The following COL19A1 variants were observed in gnomAD, a reference collection of about 807,000 sequenced individuals.
COL19A1 encodes the protein collagen type XIX alpha 1 chain, also known as collagen alpha-1(XIX) chain.
COL19A1 carries 159 observed loss-of-function variants against 190.2 expected under a neutral mutation model. The observed-to-expected ratio is 0.84, with a 90% CI of 0.73 to 0.95. The LOEUF (loss-of-function observed/expected upper bound fraction) is 0.95, where lower values mean the gene tolerates loss of function less well. COL19A1 is among the 40% of genes least tolerant of loss of function. The pLI, the probability that COL19A1 is intolerant of heterozygous loss-of-function variation, is 0.00. For synonymous variants in COL19A1, 509 were observed against 458.9 expected (o/e 1.11, Z -1.39); for missense variants, 1,418 against 1,431.9 (o/e 0.99, Z 0.16).
chr6:69,945,837 C>A (rs1470622176), intron 9 of COL19A1, among the ~76,000 whole-genome samples: 3 of 151,874 alleles, frequency 2.0e-5, no homozygotes, highest in African/African-American at 7.3e-5. Flanking sequence ...TTAATTTCTA[C>A]CAAGTGTTAG....
At chr6:69,955,568 A>AGTGT (rs1582514913) in intron 9 of COL19A1, among the ~76,000 whole-genome samples, 13 of 120,562 alleles carry the variant, frequency 1.1e-4, no homozygotes, top group African/African-American at 4.4e-4. Context: ...TGTGTGTGTA[A>AGTGT]GAGAGAGAAA....
Position 69,977,616 on chromosome 6 carries a change from G to C in COL19A1, c.1026+14746G>C, listed in dbSNP as rs1225076472. ...AAAAGAAAGGTTCAGGCTGGCTTAG[G>C]TAACAATTTAATTAAACTTTTTGCT... On this transcript the variant is annotated intron_variant, in intron 11 of 50. Transcript: ENST00000620364. Among the ~76,000 whole-genome samples the C allele has an allele frequency of 4.0e-5, 6 of 151,850 alleles. No homozygotes were observed. The South Asian group carries it at 1.0e-3, about 26-fold the overall frequency.
chr6:70,054,046 A>G (rs1352908408), intron 14 of COL19A1, among the ~76,000 whole-genome samples: 1 of 152,210 alleles, frequency 6.6e-6, no homozygotes, highest in East Asian at 1.9e-4. Context: ...GAGTCTAATG[A>G]CAAAATGATA....
intron 14 of COL19A1, among the ~76,000 whole-genome samples, chr6:70,036,773 T>G (rs1779378394): frequency 6.6e-6 from 1 of 152,202 alleles, no homozygotes; most frequent in African/African-American, 2.4e-5. Flanking sequence ...TTCGAAGACC[T>G]ATTCTGATTA....
intron 11 of COL19A1, among the ~76,000 whole-genome samples, chr6:69,976,933 C>T (rs934887015): frequency 3.3e-5 from 5 of 152,250 alleles, no homozygotes; most frequent in African/African-American, 9.6e-5. Context: ...TGAGGGAATC[C>T]TCTTACTAGA....
At chr6:70,088,478 A>G (rs191631764) in intron 15 of COL19A1, among the ~76,000 whole-genome samples, 56 of 152,264 alleles carry the variant, frequency 3.7e-4, no homozygotes, top group Non-Finnish European at 7.6e-4. Context: ...TATCACCTCA[A>G]TATAATATAC....
intron 4 of COL19A1, among the ~76,000 whole-genome samples, chr6:69,906,267 AG>A (rs1338380244): frequency 6.6e-6 from 1 of 152,200 alleles, no homozygotes. Flanking sequence ...CAACACACTC[AG>A]CTTGACTGGC....
chr6:70,207,225 A>G lies in COL19A1; in HGVS notation c.3380A>G (p.Asp1127Gly). The change falls in exon 51 of 51, where the codon GAT becomes GGT. Residue 1127 changes from aspartate to glycine, a missense_variant. Coordinates refer to ENST00000620364, the MANE Select transcript of COL19A1 (RefSeq NM_001858.6). ...CCCAGTGGAAGATGTAACCCAGAAG[A>G]TTGCCTCTATCCTGTGTCTCATGCC... ...PGPSGRCNPE[D>G]CLYPVSHAHQ... 3.1e-6 allele frequency: 5 copies of G among 1,614,016 alleles called. No individual in the cohort carries two copies. The highest frequency in any genetic ancestry group is 4.2e-6 in the Non-Finnish European group (5 of 1,179,980).
intron 15 of COL19A1, among the ~76,000 whole-genome samples, chr6:70,083,679 A>T (rs768608815): frequency 1.3e-5 from 2 of 152,256 alleles, no homozygotes; most frequent in Non-Finnish European, 2.9e-5. Flanking sequence ...TGTAATAATT[A>T]AGAGAAATGT....
At chr6:70,183,341 T>C (rs983597661) in intron 44 of COL19A1, among the ~76,000 whole-genome samples, 11 of 152,154 alleles carry the variant, frequency 7.2e-5, no homozygotes, top group Non-Finnish European at 1.5e-4. Flanking sequence ...ACATATGAGT[T>C]ATTGTAAAAA....
chr6:69,882,198 C>A (rs1159776460), intron 2 of COL19A1, among the ~76,000 whole-genome samples: 1 of 152,176 alleles, frequency 6.6e-6, no homozygotes, highest in Non-Finnish European at 1.5e-5. Flanking sequence ...GGAATTGTCA[C>A]AGTTGGGACA....
At chr6:69,933,951 G>T (rs1772945242) in intron 7 of COL19A1, among the ~76,000 whole-genome samples, 1 of 151,880 alleles carries the variant, frequency 6.6e-6, no homozygotes, top group African/African-American at 2.4e-5. Context: ...GCAAGTAAAA[G>T]GTGAAAATGT....
intron 16 of COL19A1, among the ~76,000 whole-genome samples, chr6:70,112,626 C>A (rs1053861250): frequency 6.6e-6 from 1 of 151,838 alleles, no homozygotes; most frequent in Non-Finnish European, 1.5e-5. Flanking sequence ...TTTTTTTCTG[C>A]CTTAGAAAAC....
intron 11 of COL19A1, among the ~76,000 whole-genome samples, chr6:69,968,293 G>A (rs569954803): frequency 1.6e-4 from 25 of 152,184 alleles, no homozygotes; most frequent in African/African-American, 6.0e-4. Context: ...TAGCAGCAGT[G>A]AATTCATTCT....
At chr6:70,200,199 T>C (rs903719305) in intron 49 of COL19A1, among the ~76,000 whole-genome samples, 7 of 152,182 alleles carry the variant, frequency 4.6e-5, no homozygotes, top group African/African-American at 1.7e-4. Flanking sequence ...TTTAAGAAAT[T>C]TTAGAATCTT....
chr6:69,924,582 T>C lies in COL19A1; in HGVS notation c.267-3327T>C, dbSNP rs541734769. ...AAACATATGTGTGCATGTGACTTTA[T>C]AGCAGAATGATTTATAATCCTTTGG... On this transcript the variant is annotated intron_variant, in intron 4 of 50. Transcript: ENST00000620364. Among the ~76,000 whole-genome samples the C allele has an allele frequency of 2.4e-4, 37 of 152,346 alleles. 1 individual carries two copies. In the South Asian group the frequency reaches 7.5e-3, roughly 31 times the overall value.
chr6:70,099,836 C>T (rs866335113), intron 15 of COL19A1, among the ~76,000 whole-genome samples: 2 of 152,318 alleles, frequency 1.3e-5, no homozygotes, highest in South Asian at 2.1e-4. Context: ...CAAAATCAGC[C>T]TTCTCTCTGC....
rs374739394 is a variant in COL19A1, at chr6:70,149,995, G to A, written c.1987G>A (p.Val663Ile). The A allele has an allele frequency of 1.6e-4, 251 of 1,613,746 alleles. 2 individuals are homozygous for A. The Middle Eastern group carries it at 7.6e-3, about 49-fold the overall frequency. ...GTPGTPGNDG[V>I]PGRDGKPGLP... is the part of the protein sequence containing the mutation. ...ACATGGATACCTCTGTTTTCAGGGA[G>A]TTCCAGGGAGAGATGGAAAGCCAGG... Residue 663 changes from valine (V) to isoleucine (I), a missense_variant, in exon 30 of 51, where the codon GTT (valine) becomes ATT (isoleucine). Physicochemically the swap from Val to Ile is conservative, Grantham distance 29. Coordinates refer to ENST00000620364, the MANE Select transcript of COL19A1 (RefSeq NM_001858.6).
chr6:70,150,071 T>C (rs1437323557), intron 30 of COL19A1, 26 bp downstream of exon 30: 1 of 1,612,572 alleles, frequency 6.2e-7, no homozygotes, highest in South Asian at 1.1e-5. Flanking sequence ...TTGTCTGATT[T>C]ATGTATCTTA....
Sources: allele counts gnomAD v4.1 joint callset (sites outside exome capture counted in the v4.1 genomes callset), GRCh38; gene constraint gnomAD v4.1.1; transcripts MANE v1.5; gene names NCBI Gene and HGNC (gene_info 2026-07-23, HGNC 2026-07-21).